ZRANB3: variants seen among roughly 807,000 people sequenced by gnomAD.
ZRANB3 encodes the protein DNA annealing helicase and endonuclease ZRANB3.
A neutral mutation model predicts 133.8 loss-of-function variants in ZRANB3; 125 were observed. The ratio of observed to expected loss-of-function variants is 0.93; its 90% confidence interval spans 0.81 to 1.08. The LOEUF (loss-of-function observed/expected upper bound fraction) is 1.08, where lower values mean the gene tolerates loss of function less well. Ranked by LOEUF, ZRANB3 falls within the 50% of genes least tolerant of loss-of-function variation. The pLI, the probability that ZRANB3 is intolerant of heterozygous loss-of-function variation, is 0.00. For missense variants in ZRANB3, 1,229 were observed against 1,275.5 expected (o/e 0.96, Z 0.56); for synonymous variants, 387 against 432.7 (o/e 0.89, Z 1.31).
rs1694435967 is a variant in ZRANB3, at chr2:135,219,197, G to A, written c.2251-19C>T. 1 of 1,458,526 alleles carries A rather than the reference G, an allele frequency of 6.9e-7. No individual in the cohort carries two copies. Among genetic ancestry groups the A allele is most frequent in the East Asian group, 2.5e-5 (1 of 39,248 alleles). The allele number at this position is 1,458,526 out of a possible 1,614,324, so 90.3% of individuals were successfully genotyped here. The stretch of plus-strand genomic sequence containing the variant: ...TTCCATCCTGATGATAGATTAGGAA[G>A]ACACTAATAATCCATTTTTGTATAG... On this transcript the variant is annotated intron_variant, in intron 15 of 20. Transcript: ENST00000264159.
intron 2 of ZRANB3, among the ~76,000 whole-genome samples, chr2:135,495,023 C>T (rs1256716434): frequency 6.6e-6 from 1 of 152,070 alleles, no homozygotes; most frequent in Admixed American, 6.6e-5. Flanking sequence ...TCATATGGGG[C>T]CAGGAGTTCA....
At chr2:135,440,234 C>G (rs530359575) in intron 2 of ZRANB3, among the ~76,000 whole-genome samples, 2 of 152,214 alleles carry the variant, frequency 1.3e-5, no homozygotes, top group South Asian at 4.1e-4. Flanking sequence ...CTGACCATCT[C>G]TCTTGAGATA....
intron 12 of ZRANB3, among the ~76,000 whole-genome samples, chr2:135,236,445 G>A (rs1695287424): frequency 6.6e-6 from 1 of 151,990 alleles, no homozygotes; most frequent in African/African-American, 2.4e-5. Flanking sequence ...CTACTTTAAA[G>A]TTCATATGGA....
chr2:135,406,216 A>T (rs1196560843), intron 2 of ZRANB3, among the ~76,000 whole-genome samples: 1 of 152,214 alleles, frequency 6.6e-6, no homozygotes, highest in African/African-American at 2.4e-5. Flanking sequence ...AAACTAGAAA[A>T]TCTAGAAGAA....
chr2:135,265,442 A>ATATT, intron 12 of ZRANB3, 92 bp downstream of exon 12: 2 of 1,327,572 alleles, frequency 1.5e-6, no homozygotes. Flanking sequence ...AACACCATAA[A>ATATT]TAATTGAGAG....
intron 2 of ZRANB3, among the ~76,000 whole-genome samples, chr2:135,406,979 A>T (rs1446392016): frequency 6.6e-6 from 1 of 152,214 alleles, no homozygotes; most frequent in East Asian, 1.9e-4. Context: ...CAGGGCAATC[A>T]GGCAGGAGAA....
intron 2 of ZRANB3, among the ~76,000 whole-genome samples, chr2:135,444,590 A>T (rs1574113284): frequency 6.6e-6 from 1 of 152,316 alleles, no homozygotes; most frequent in East Asian, 1.9e-4. Flanking sequence ...AACTACGTGA[A>T]ATTTATAGAA....
intron 6 of ZRANB3, among the ~76,000 whole-genome samples, chr2:135,330,368 G>A (rs552048607): frequency 3.1e-4 from 47 of 152,188 alleles, no homozygotes; most frequent in African/African-American, 5.1e-4. Flanking sequence ...ATTGATTTGC[G>A]TTATGTTGAA....
At chr2:135,480,397 T>A (rs144386394) in intron 2 of ZRANB3, among the ~76,000 whole-genome samples, 1,548 of 152,222 alleles carry the variant, frequency 0.01, 25 homozygotes, top group African/African-American at 0.035. Context: ...AAATTCAATC[T>A]AGTCAGCCAA....
intron 2 of ZRANB3, among the ~76,000 whole-genome samples, chr2:135,459,732 A>G (rs1690683316): frequency 6.6e-6 from 1 of 152,234 alleles, no homozygotes. Flanking sequence ...AACATAGTTA[A>G]CTTTAGAGGG....
At chr2:135,378,059 TCC>T (rs1343288260) in intron 3 of ZRANB3, among the ~76,000 whole-genome samples, 1 of 152,240 alleles carries the variant, frequency 6.6e-6, no homozygotes, top group African/African-American at 2.4e-5. Context: ...AGAACTGGCT[TCC>T]TTGTTCCTCA....
At chr2:135,490,306 C>CA (rs1171577047) in intron 2 of ZRANB3, among the ~76,000 whole-genome samples, 4 of 151,684 alleles carry the variant, frequency 2.6e-5, no homozygotes, top group African/African-American at 9.7e-5. Context: ...AACTCTATAG[C>CA]AAAAAAAGAG....
intron 2 of ZRANB3, among the ~76,000 whole-genome samples, chr2:135,416,447 T>G (rs1413971621): frequency 4.6e-5 from 7 of 151,960 alleles, no homozygotes; most frequent in African/African-American, 1.7e-4. Context: ...CACTGCTCAA[T>G]GAAATAAAAG....
intron 2 of ZRANB3, among the ~76,000 whole-genome samples, chr2:135,495,690 A>G (rs142775145): frequency 0.01 from 1,590 of 152,316 alleles, 25 homozygotes; most frequent in African/African-American, 0.036. Context: ...GTAACTATAA[A>G]AAATATACTT....
chr2:135,236,971 A>G (rs1200839478), intron 12 of ZRANB3, among the ~76,000 whole-genome samples: 3 of 152,210 alleles, frequency 2.0e-5, no homozygotes, highest in South Asian at 2.1e-4. Context: ...GCTTCTGCAC[A>G]GCAAAAGAAA....
intron 2 of ZRANB3, among the ~76,000 whole-genome samples, chr2:135,445,513 T>C (rs2104998325): frequency 6.6e-6 from 1 of 152,066 alleles, no homozygotes; most frequent in Non-Finnish European, 1.5e-5. Flanking sequence ...GAGAATGGAT[T>C]GAGTGGGAGA....
intron 2 of ZRANB3, among the ~76,000 whole-genome samples, chr2:135,406,687 A>T (rs1688050588): frequency 6.6e-6 from 1 of 152,214 alleles, no homozygotes; most frequent in Non-Finnish European, 1.5e-5. Flanking sequence ...CAATGAATGT[A>T]ATCCAGCATA....
At chr2:135,328,683 T>C (rs1369749776) in intron 6 of ZRANB3, among the ~76,000 whole-genome samples, 5 of 152,192 alleles carry the variant, frequency 3.3e-5, no homozygotes, top group Non-Finnish European at 5.9e-5. Context: ...CCACAAACAC[T>C]GTAAAAACAT....
In ZRANB3 at chr2:135,227,829, G is replaced by GT. The variant is rs1558843476; in HGVS notation, c.2140dup (p.Thr714AsnfsTer6). 1 of 1,574,750 alleles carries GT rather than the reference G, an allele frequency of 6.4e-7. No individual in the cohort carries two copies. Among genetic ancestry groups the GT allele is most frequent in the East Asian group, 2.3e-5 (1 of 43,742 alleles). ...AGACTTACCATTACCTGGCTGGGAT[G>GT]TAAGTCCGTCTTCTTTCTCAATTTT... On this transcript the variant is annotated frameshift_variant, in exon 14 of 21. Coordinates refer to ENST00000264159, the MANE Select transcript of ZRANB3 (RefSeq NM_032143.4). LOFTEE classifies it high-confidence loss of function.
Sources: gnomAD v4.1 joint callset for allele counts (sites outside exome capture counted in the v4.1 genomes callset) on GRCh38, gnomAD v4.1.1 for gene constraint, MANE v1.5 for transcripts, NCBI Gene and HGNC (gene_info 2026-07-23, HGNC 2026-07-21) for gene names.